TSBP1: variants seen among roughly 807,000 people sequenced by gnomAD.
The protein encoded by TSBP1 is testis expressed basic protein 1.
TSBP1 carries 56 observed loss-of-function variants against 68.8 expected under a neutral mutation model. The ratio of observed to expected loss-of-function variants is 0.81; its 90% confidence interval spans 0.66 to 1.02. The LOEUF is 1.02. Ranked by LOEUF, TSBP1 falls within the 50% of genes least tolerant of loss-of-function variation. TSBP1 has a pLI of 0.00. For synonymous variants in TSBP1, 171 were observed against 208.7 expected, an observed-to-expected ratio of 0.82 and a Z score of 1.56; for missense variants, 502 against 641.2, an observed-to-expected ratio of 0.78 and a Z score of 2.34.
intron 6 of TSBP1, among the ~76,000 whole-genome samples, chr6:32,359,131 A>C: frequency 7.5e-6 from 1 of 133,758 alleles, no homozygotes; most frequent in African/African-American, 2.9e-5. Context: ...ATGTGTTCTC[A>C]TTGTTCAATT....
chr6:32,300,846 C>CT lies in TSBP1; in HGVS notation c.602-147dup, dbSNP rs1765212368. The CT allele has an allele frequency of 2.4e-5, 17 of 701,256 alleles. No homozygotes were observed. In the South Asian group the frequency reaches 2.8e-4, roughly 11 times the overall value. The allele number at this position is 701,256 out of a possible 1,614,324, so 43.4% of individuals were successfully genotyped here. A position where few individuals can be genotyped will look rare whatever the true frequency, so the allele number is the denominator to read the frequency against. On this transcript the variant is annotated intron_variant, in intron 20 of 22. Coordinates refer to ENST00000612031, the Ensembl canonical transcript of TSBP1. ...TGAAGAAACTTCATTTCCCTTCCCC[C>CT]TTCTCTTTGCCCAGTGTAGTTTACA...
At chr6:32,327,352 TG>T (rs1383697987) in intron 16 of TSBP1, among the ~76,000 whole-genome samples, 12 of 152,340 alleles carry the variant, frequency 7.9e-5, no homozygotes, top group African/African-American at 2.6e-4. Context: ...AATCAACATG[TG>T]TAGAACCAAG....
chr6:32,339,645 TA>T lies in TSBP1; in HGVS notation c.350-8del. On this transcript the variant is annotated splice_region_variant and splice_polypyrimidine_tract_variant and intron_variant, in intron 9 of 22. Transcript: ENST00000612031. ...TGTAAACATTTTATACTACCTATAATAAAAATTGAAAAGTGTAACATTATTT... is the reference window on the plus strand; with the variant it reads ...TGTAAACATTTTATACTACCTATAATAAAATTGAAAAGTGTAACATTATTT... The T allele has an allele frequency of 1.7e-6, 2 of 1,159,490 alleles. No homozygotes were observed. The highest frequency in any genetic ancestry group is 2.5e-6 in the Non-Finnish European group (2 of 785,348). 71.8% of individuals were successfully genotyped at this position (1,159,490 alleles called of 1,614,324 possible).
At chr6:32,317,173 T>A (rs567828) in intron 18 of TSBP1, among the ~76,000 whole-genome samples, 50,921 of 152,000 alleles carry the variant, frequency 0.34, 9,641 homozygotes, top group Middle Eastern at 0.52. Flanking sequence ...AACTATCTGA[T>A]CTTTAACAAA....
intron 9 of TSBP1, among the ~76,000 whole-genome samples, chr6:32,342,718 A>T (rs1488379213): frequency 1.3e-5 from 2 of 152,168 alleles, no homozygotes; most frequent in East Asian, 3.8e-4. Flanking sequence ...TATTATTCTC[A>T]ATTCATGGAG....
chr6:32,336,672 T>C lies in TSBP1; in HGVS notation c.410-37A>G. ...AAAGGAGGAAAGTGTGGTTTGACATTAATAGAATTTTCATTTTACCAGTAT... is the reference window on the plus strand; with the variant it reads ...AAAGGAGGAAAGTGTGGTTTGACATCAATAGAATTTTCATTTTACCAGTAT... On this transcript the variant is annotated intron_variant, in intron 11 of 22. Transcript: ENST00000612031. This position sits in a 1 kb window ranked among gnomAD's most constrained non-coding sequence, Gnocchi z 5.2. 1.3e-6 allele frequency: 2 copies of C among 1,595,526 alleles called. No homozygotes were observed. Among genetic ancestry groups the C allele is most frequent in the South Asian group, 2.2e-5 (2 of 90,670 alleles).
intron 18 of TSBP1, among the ~76,000 whole-genome samples, chr6:32,319,794 T>C (rs565267126): frequency 1.2e-4 from 19 of 152,130 alleles, no homozygotes; most frequent in African/African-American, 4.1e-4. Context: ...ACATATGAAC[T>C]CCTTAAGTGC....
At chr6:32,307,668 TTTTTG>T (rs1765898870) in intron 19 of TSBP1, among the ~76,000 whole-genome samples, 2 of 152,174 alleles carry the variant, frequency 1.3e-5, no homozygotes, top group South Asian at 4.1e-4. Context: ...ATTTTGTCAG[TTTTTG>T]TTTTATGTAT....
Position 32,339,657 on chromosome 6 carries a change from A to C in TSBP1, c.350-19T>G. Reference sequence around the variant, plus strand: ...ATACTACCTATAATAAAAATTGAAAAGTGTAACATTATTTAGATTTAGACT... The same window carrying C: ...ATACTACCTATAATAAAAATTGAAACGTGTAACATTATTTAGATTTAGACT... On this transcript the variant is annotated intron_variant, in intron 9 of 22. Transcript: ENST00000612031. The C allele has an allele frequency of 9.3e-7, 1 of 1,073,066 alleles. No individual in the cohort carries two copies. The highest frequency in any genetic ancestry group is 1.4e-6 in the Non-Finnish European group (1 of 712,048). The allele number at this position is 1,073,066 out of a possible 1,614,324, so 66.5% of individuals were successfully genotyped here. A position where few individuals can be genotyped will look rare whatever the true frequency, so the allele number is the denominator to read the frequency against.
chr6:32,301,313 G>A lies in TSBP1; in HGVS notation c.602-613C>T, dbSNP rs563451522. ...CAAAGTGCTGGGATTACAGGTGTAA[G>A]CCACCATGCCTGGCCTGGTACGAAA... On this transcript the variant is annotated intron_variant, in intron 20 of 22. Transcript: ENST00000612031. 3.9e-5 allele frequency among the ~76,000 whole-genome samples: 6 copies of A among 152,276 alleles called. No homozygotes were observed. In the South Asian group the frequency reaches 8.3e-4, roughly 21 times the overall value.
intron 14 of TSBP1, among the ~76,000 whole-genome samples, chr6:32,334,568 CCTTA>C (rs1308777521): frequency 6.6e-6 from 1 of 152,028 alleles, no homozygotes; most frequent in Non-Finnish European, 1.5e-5. Context: ...ATAATAACTG[CCTTA>C]CTCATTGCCA....
chr6:32,299,025 CA>C (rs1765003057), intron 22 of TSBP1, among the ~76,000 whole-genome samples: 1 of 152,144 alleles, frequency 6.6e-6, no homozygotes. Context: ...TTTGTATTTG[CA>C]AACATTCCAT....
rs541206764 is a variant in TSBP1, at chr6:32,355,827, T to C, written c.218-158A>G. 7.6e-6 allele frequency: 7 copies of C among 917,094 alleles called. No homozygotes were observed. The African/African-American group carries it at 1.2e-4, about 16-fold the overall frequency. 56.8% of individuals were successfully genotyped at this position (917,094 alleles called of 1,614,324 possible). ...CTCATGGCTTAATTTATAAGTTTAA[T>C]GACATTAAAAAAACAGGCAGAGTTT... On this transcript the variant is annotated intron_variant, in intron 6 of 22. Transcript: ENST00000612031.
chr6:32,366,627 A>G (rs3129929), intron 4 of TSBP1, among the ~76,000 whole-genome samples: 116,630 of 151,786 alleles, frequency 0.77, 45,095 homozygotes, highest in South Asian at 0.9. Context: ...TTGGCCGGGC[A>G]TGGTGGCAGG....
At position 32,357,537 on chromosome 6, in the gene TSBP1, A is replaced by G. The variant is rs1772485833; in HGVS notation, c.218-1868T>C. 6.6e-6 allele frequency among the ~76,000 whole-genome samples: 1 copy of G among 152,202 alleles called. No individual in the cohort carries two copies. The highest frequency in any genetic ancestry group is 6.5e-5 in the Admixed American group (1 of 15,278). On this transcript the variant is annotated intron_variant, in intron 6 of 22. Coordinates refer to ENST00000612031, the Ensembl canonical transcript of TSBP1. The surrounding 1 kb of genome is among the most constrained non-coding windows in gnomAD (Gnocchi z 4.7). ...TTTATTCATTTAAGAGGTACTTATTAAGGATCTCCCTCGCTGTGGTGAGGT... is the reference window on the plus strand; with the variant it reads ...TTTATTCATTTAAGAGGTACTTATTGAGGATCTCCCTCGCTGTGGTGAGGT...
intron 18 of TSBP1, among the ~76,000 whole-genome samples, 200 bp downstream of exon 19, chr6:32,322,917 T>TA (rs55723730): frequency 0.33 from 50,559 of 151,696 alleles, 9,466 homozygotes; most frequent in Middle Eastern, 0.52. Context: ...TTCCTCCTAC[T>TA]TGTTATTTCG....
At chr6:32,364,060 C>T (rs9268344) in intron 6 of TSBP1, among the ~76,000 whole-genome samples, 51,015 of 151,800 alleles carry the variant, frequency 0.34, 9,595 homozygotes, top group Middle Eastern at 0.52. Context: ...TATCATCCCA[C>T]TATGTACTGG....
At chr6:32,311,127 C>T (rs2127575633) in intron 19 of TSBP1, among the ~76,000 whole-genome samples, 1 of 152,186 alleles carries the variant, frequency 6.6e-6, no homozygotes, top group East Asian at 1.9e-4. Context: ...TCTCCCTGCT[C>T]ACTACTTCTC....
In TSBP1 at chr6:32,355,106, A is replaced by G; in HGVS notation, c.259+18T>C. The G allele has an allele frequency of 1.2e-6, 2 of 1,607,190 alleles. 1 individual carries two copies. The highest frequency in any genetic ancestry group is 2.2e-5 in the South Asian group (2 of 90,202). Reference sequence around the variant, plus strand: ...ACCAGATGACAGTAGAATTGAAAGAAAACCACAAAGCACTTACCTAGAGAG... The same window carrying G: ...ACCAGATGACAGTAGAATTGAAAGAGAACCACAAAGCACTTACCTAGAGAG... On this transcript the variant is annotated intron_variant, in intron 8 of 22. Transcript: ENST00000612031.
Sources: allele counts gnomAD v4.1 joint callset (sites outside exome capture counted in the v4.1 genomes callset), GRCh38; gene constraint gnomAD v4.1.1; non-coding constraint Gnocchi (gnomAD v3.1); transcripts MANE v1.5; gene names NCBI Gene and HGNC (gene_info 2026-07-23, HGNC 2026-07-21).